The following NLGN1 variants were observed in gnomAD, a reference collection of about 807,000 sequenced individuals.
The protein encoded by NLGN1 is neuroligin-1.
A neutral mutation model predicts 65.5 loss-of-function variants in NLGN1; 12 were observed. That is an observed-to-expected ratio of 0.18 (90% CI 0.12 to 0.30). The LOEUF is 0.30. NLGN1 is among the 10% of genes least tolerant of loss of function. NLGN1 has a pLI of 1.00. For synonymous variants in NLGN1, 350 were observed against 359.5 expected (o/e 0.97, Z 0.30); for missense variants, 750 against 1,007.1 (o/e 0.74, Z 3.46).
intron 3 of NLGN1, among the ~76,000 whole-genome samples, chr3:173,732,569 A>G (rs915750382): frequency 1.3e-5 from 2 of 152,134 alleles, no homozygotes; most frequent in African/African-American, 4.8e-5. Context: ...AACCAGCTGT[A>G]TATTTCAGTA....
chr3:173,569,540 A>AT (rs544586628), intron 2 of NLGN1, among the ~76,000 whole-genome samples: 14 of 146,094 alleles, frequency 9.6e-5, no homozygotes, highest in Non-Finnish European at 1.4e-4. Context: ...TTAAATTTTA[A>AT]TTTTTTTTTC....
intron 4 of NLGN1, among the ~76,000 whole-genome samples, chr3:174,243,913 G>T (rs1743333946): frequency 6.6e-6 from 1 of 152,204 alleles, no homozygotes; most frequent in East Asian, 1.9e-4. Flanking sequence ...TACCACTTTT[G>T]GGTGACAGAA....
At chr3:173,430,665 T>C (rs1418766787) in intron 1 of NLGN1, among the ~76,000 whole-genome samples, 1 of 152,216 alleles carries the variant, frequency 6.6e-6, no homozygotes, top group Non-Finnish European at 1.5e-5. Flanking sequence ...TGGAAAGTGT[T>C]TGCGTTATGA....
Position 173,596,374 on chromosome 3 carries a change from G to A in NLGN1, c.-320-7905G>A, listed in dbSNP as rs190225129. 2.8e-4 allele frequency among the ~76,000 whole-genome samples: 43 copies of A among 152,264 alleles called. No homozygotes were observed. The Middle Eastern group carries it at 0.014, about 48-fold the overall frequency. On this transcript the variant is annotated intron_variant, in intron 2 of 6. Coordinates refer to ENST00000457714, the Ensembl canonical transcript of NLGN1. The stretch of plus-strand genomic sequence containing the variant: ...TGGGCAAAATTAAGAAGGAGGCAGC[G>A]TTTGTCTTTAGAGAGTGTTAATTCT...
chr3:173,397,509 C>T (rs1716818734), upstream of NLGN1, among the ~76,000 whole-genome samples: 1 of 152,246 alleles, frequency 6.6e-6, no homozygotes, highest in South Asian at 2.1e-4. Flanking sequence ...TTTGCCCACC[C>T]TCCTGGTGGG....
chr3:173,714,443 GA>G (rs1769511474), intron 3 of NLGN1, among the ~76,000 whole-genome samples: 1 of 152,160 alleles, frequency 6.6e-6, no homozygotes, highest in Non-Finnish European at 1.5e-5. Flanking sequence ...TAGGCTAGGA[GA>G]AATGGTGATG....
chr3:173,452,190 C>A (rs756869871), intron 2 of NLGN1, among the ~76,000 whole-genome samples: 7 of 150,390 alleles, frequency 4.7e-5, no homozygotes, highest in Non-Finnish European at 7.4e-5. Context: ...CCTATTCGGC[C>A]ATCTTGGCTT....
At chr3:173,744,795 A>T (rs1194569372) in intron 3 of NLGN1, among the ~76,000 whole-genome samples, 1 of 151,358 alleles carries the variant, frequency 6.6e-6, no homozygotes, top group Non-Finnish European at 1.5e-5. Context: ...GAGGCCACTG[A>T]TTGGCAGTGG....
intron 3 of NLGN1, among the ~76,000 whole-genome samples, chr3:173,640,185 A>G (rs570161368): frequency 6.6e-6 from 1 of 152,178 alleles, no homozygotes; most frequent in Non-Finnish European, 1.5e-5. Flanking sequence ...TTCTCAGTAA[A>G]ATTATTCAGA....
At chr3:174,205,424 A>G (rs9859025) in intron 4 of NLGN1, among the ~76,000 whole-genome samples, 32,469 of 152,052 alleles carry the variant, frequency 0.21, 3,815 homozygotes, top group African/African-American at 0.31. Context: ...ATATAAATTA[A>G]AAGTTTTAAT....
At chr3:173,670,473 G>A (rs949263738) in intron 3 of NLGN1, among the ~76,000 whole-genome samples, 5 of 152,118 alleles carry the variant, frequency 3.3e-5, no homozygotes, top group African/African-American at 7.2e-5. Context: ...TGAGTGTGAT[G>A]AGATGAGAAA....
At chr3:173,761,786 C>T (rs1029716833) in intron 3 of NLGN1, among the ~76,000 whole-genome samples, 3 of 151,964 alleles carry the variant, frequency 2.0e-5, no homozygotes, top group Non-Finnish European at 4.4e-5. Context: ...AGCCTTTGTT[C>T]TCTGATTTAA....
intron 4 of NLGN1, among the ~76,000 whole-genome samples, chr3:173,834,582 T>C (rs1723218975): frequency 6.6e-6 from 1 of 152,186 alleles, no homozygotes; most frequent in African/African-American, 2.4e-5. Flanking sequence ...ATAATAATAA[T>C]AACAATGCTT....
chr3:173,956,014 A>C (rs917931129), intron 4 of NLGN1, among the ~76,000 whole-genome samples: 1 of 152,138 alleles, frequency 6.6e-6, no homozygotes, highest in Non-Finnish European at 1.5e-5. Context: ...TTATATTCCT[A>C]CTAGAGAATA....
At chr3:173,640,445 G>A (rs1250955231) in intron 3 of NLGN1, among the ~76,000 whole-genome samples, 1 of 151,842 alleles carries the variant, frequency 6.6e-6, no homozygotes, top group Admixed American at 6.6e-5. Context: ...TATTGACAAC[G>A]TTTTTGAATC....
chr3:173,998,960 ATCTTCAGTGTCTAAAC>A (rs1722775541), intron 4 of NLGN1, among the ~76,000 whole-genome samples: 1 of 152,200 alleles, frequency 6.6e-6, no homozygotes, highest in Non-Finnish European at 1.5e-5. Context: ...TCACCTGCTC[ATCTTCAGTGTCTAAAC>A]TCTTAGCCGT....
chr3:173,444,554 A>C (rs1003289115), intron 2 of NLGN1, among the ~76,000 whole-genome samples: 3 of 152,218 alleles, frequency 2.0e-5, no homozygotes, highest in African/African-American at 4.8e-5. Flanking sequence ...TTGGTCTTTC[A>C]AAAAAATATA....
At chr3:174,208,949 G>T (rs902807045) in intron 4 of NLGN1, among the ~76,000 whole-genome samples, 1 of 151,868 alleles carries the variant, frequency 6.6e-6, no homozygotes, top group Non-Finnish European at 1.5e-5. Context: ...TTTTAGACAG[G>T]GTCTGGTTCT....
chr3:173,655,874 GA>G (rs1404412910), intron 3 of NLGN1, among the ~76,000 whole-genome samples: 1 of 152,014 alleles, frequency 6.6e-6, no homozygotes, highest in Non-Finnish European at 1.5e-5. Flanking sequence ...CTTGAACAAA[GA>G]ATTGGACAAA....
Sources: gnomAD v4.1 joint callset for allele counts (sites outside exome capture counted in the v4.1 genomes callset) on GRCh38, gnomAD v4.1.1 for gene constraint, MANE v1.5 for transcripts, NCBI Gene and HGNC (gene_info 2026-07-23, HGNC 2026-07-21) for gene names.